The following PIK3CB variants were observed in gnomAD, a reference collection of about 807,000 sequenced individuals.
The protein encoded by PIK3CB is phosphatidylinositol 4,5-bisphosphate 3-kinase catalytic subunit beta isoform.
A neutral mutation model predicts 136.8 loss-of-function variants in PIK3CB; 39 were observed. The ratio of observed to expected loss-of-function variants is 0.29; its 90% CI spans 0.22 to 0.37. The LOEUF (loss-of-function observed/expected upper bound fraction) is 0.37, where lower values mean the gene tolerates loss of function less well. Ranked by LOEUF, PIK3CB falls within the 10% of genes least tolerant of loss-of-function variation. PIK3CB has a pLI of 1.00. For missense variants in PIK3CB, 868 were observed against 1,275.4 expected (o/e 0.68, Z 4.87); for synonymous variants, 428 against 436.6 (o/e 0.98, Z 0.25).
At chr3:138,816,021 G>C (rs1272555611) in intron 1 of PIK3CB, among the ~76,000 whole-genome samples, 1 of 152,198 alleles carries the variant, frequency 6.6e-6, no homozygotes, top group Non-Finnish European at 1.5e-5. Context: ...CACAAGGTGG[G>C]TTGGGTGCAA....
chr3:138,780,015 T>C (rs1388601710), intron 2 of PIK3CB, among the ~76,000 whole-genome samples: 1 of 152,090 alleles, frequency 6.6e-6, no homozygotes, highest in Non-Finnish European at 1.5e-5. Flanking sequence ...TGGAGTGCAG[T>C]GGCGAGACCT....
chr3:138,820,586 G>C (rs182154666), intron 1 of PIK3CB, among the ~76,000 whole-genome samples: 3 of 152,156 alleles, frequency 2.0e-5, no homozygotes, highest in Admixed American at 2.0e-4. Context: ...CACTGCCTCC[G>C]GGGCTTAAGC....
chr3:138,803,580 G>A (rs2046200015), intron 1 of PIK3CB, among the ~76,000 whole-genome samples: 1 of 152,098 alleles, frequency 6.6e-6, no homozygotes, highest in South Asian at 2.1e-4. Context: ...AGCAGCACGT[G>A]GGCCAAGGGA....
intron 2 of PIK3CB, among the ~76,000 whole-genome samples, chr3:138,771,811 G>C (rs112207202): frequency 0.032 from 4,830 of 151,702 alleles, 266 homozygotes; most frequent in African/African-American, 0.11. Context: ...AGCTACTCGA[G>C]AGGCTGAGGG....
intron 2 of PIK3CB, chr3:138,778,212 G>A (rs1335093839): frequency 8.7e-6 from 4 of 458,082 alleles, no homozygotes; most frequent in South Asian, 3.1e-5. Context: ...ATGCCCCCAT[G>A]TTTGTAATGG....
intron 8 of PIK3CB, among the ~76,000 whole-genome samples, chr3:138,728,865 G>T (rs1668512961): frequency 6.6e-6 from 1 of 151,932 alleles, no homozygotes; most frequent in Admixed American, 6.6e-5. Flanking sequence ...TTTCTTAAAG[G>T]ATAAAAATTT....
At chr3:138,810,482 C>A (rs1047082112) in intron 1 of PIK3CB, among the ~76,000 whole-genome samples, 1 of 151,892 alleles carries the variant, frequency 6.6e-6, no homozygotes. Flanking sequence ...AGAAAAATGG[C>A]ACTTTACTTC....
At chr3:138,669,220 T>A (rs2043477710) in intron 19 of PIK3CB, among the ~76,000 whole-genome samples, 1 of 150,656 alleles carries the variant, frequency 6.6e-6, no homozygotes, top group South Asian at 2.1e-4. Context: ...AAGACCAGCC[T>A]GGGCAACATG....
At chr3:138,739,147 A>C (rs189726933) in intron 5 of PIK3CB, among the ~76,000 whole-genome samples, 213 of 152,244 alleles carry the variant, frequency 1.4e-3, no homozygotes, top group Non-Finnish European at 1.7e-3. Flanking sequence ...TAGTGTCCTT[A>C]TAAAAGAGAC....
chr3:138,688,762 T>C (rs2043947953), intron 16 of PIK3CB, 113 bp downstream of exon 16: 1 of 640,882 alleles, frequency 1.6e-6, no homozygotes, highest in African/African-American at 1.8e-5. Flanking sequence ...TTGATAAAAC[T>C]GATCAAACAC....
In PIK3CB at chr3:138,758,774, T is replaced by C. The variant is rs1231631927; in HGVS notation, c.171+399A>G. On this transcript the variant is annotated intron_variant, in intron 3 of 23. Coordinates refer to ENST00000674063, the MANE Select transcript of PIK3CB (RefSeq NM_006219.3). ...TTTACAAATCAACGGTGCTCATCAA[T>C]TTACTTTAAAAACTAATGCAACAGA... 2.6e-5 allele frequency among the ~76,000 whole-genome samples: 4 copies of C among 152,256 alleles called. No homozygotes were observed. In the East Asian group the frequency reaches 5.8e-4, roughly 22 times the overall value.
Position 138,657,835 on chromosome 3 carries a change from G to A in PIK3CB, c.2797C>T (p.Leu933Phe). ...DNIMVKKTGQ[L>F]FHIDFGHILG... ...ATATGTCCAAAGTCAATGTGGAAGA[G>A]CTGGAAAACAAATGGGATTTAATTT... The change falls in exon 22 of 24, where the codon CTC becomes TTC. Residue 933 changes from leucine (L) to phenylalanine (F), a missense_variant and splice_region_variant. By Grantham distance (22) the Leu-to-Phe change is conservative. Around this residue, in one of 4 missense-constraint regions of PIK3CB, gnomAD observed 3 missense variants for 31.1 expected, o/e 0.10. Coordinates refer to ENST00000674063, the MANE Select transcript of PIK3CB (RefSeq NM_006219.3). The A allele has an allele frequency of 6.2e-7, 1 of 1,602,318 alleles. No individual in the cohort carries two copies. Among genetic ancestry groups the A allele is most frequent in the Non-Finnish European group, 8.5e-7 (1 of 1,176,224 alleles).
Position 138,705,198 on chromosome 3 carries a change from AAAAC to A in PIK3CB, c.1531-709_1531-706del, listed in dbSNP as rs1223638185. 3.5e-4 allele frequency among the ~76,000 whole-genome samples: 51 copies of A among 144,150 alleles called. 1 individual carries two copies. Among genetic ancestry groups the A allele is most frequent in the South Asian group, 4.5e-4 (2 of 4,458 alleles). 94.6% of individuals were successfully genotyped at this position (144,150 alleles called of 152,430 possible). Reference sequence around the variant, plus strand: ...ACAAAAAACAAAACAAACAAAAAAAAAAACTTATATTTGCAAATATAGGAGGCTA... The same window carrying A: ...ACAAAAAACAAAACAAACAAAAAAAATTATATTTGCAAATATAGGAGGCTA... On this transcript the variant is annotated intron_variant, in intron 11 of 23. Transcript: ENST00000674063.
At chr3:138,698,825 A>G in intron 13 of PIK3CB, 82 bp downstream of exon 13, 1 of 765,422 alleles carries the variant, frequency 1.3e-6, no homozygotes, top group South Asian at 3.0e-5. Context: ...ATGAAAATAT[A>G]CCTATGAGAA....
chr3:138,769,099 C>T (rs2045769330), intron 2 of PIK3CB, among the ~76,000 whole-genome samples: 1 of 152,184 alleles, frequency 6.6e-6, no homozygotes, highest in Non-Finnish European at 1.5e-5. Flanking sequence ...CACCCACTAA[C>T]TTGGAAGGGA....
Position 138,797,057 on chromosome 3 carries a change from A to G in PIK3CB, c.-121-490T>C, listed in dbSNP as rs114070583. On this transcript the variant is annotated intron_variant, in intron 1 of 23. Transcript: ENST00000674063. The stretch of plus-strand genomic sequence containing the variant: ...GACCAATGAGAAGACGGAAGACCAC[A>G]CCACACTTGCATTAGTTGTGTATGT... 8.6e-3 allele frequency: 1,318 copies of G among 153,718 alleles called. 26 individuals are homozygous for G. The highest frequency in any genetic ancestry group is 0.029 in the African/African-American group (1,195 of 41,602). 9.5% of individuals were successfully genotyped at this position (153,718 alleles called of 1,614,324 possible).
At chr3:138,806,284 G>A (rs553299281) in intron 1 of PIK3CB, among the ~76,000 whole-genome samples, 3 of 152,198 alleles carry the variant, frequency 2.0e-5, no homozygotes, top group East Asian at 1.9e-4. Flanking sequence ...TCAAAAGTTC[G>A]AGACCAGCCT....
At chr3:138,662,124 T>A (rs537462489) in intron 21 of PIK3CB, among the ~76,000 whole-genome samples, 57 of 151,882 alleles carry the variant, frequency 3.8e-4, no homozygotes, top group East Asian at 3.7e-3. Flanking sequence ...TTTTTTTTTT[T>A]TTTTATTTTA....
chr3:138,733,183 A>G (rs1374094867), intron 8 of PIK3CB, among the ~76,000 whole-genome samples, 178 bp downstream of exon 8: 4 of 151,932 alleles, frequency 2.6e-5, no homozygotes, highest in Non-Finnish European at 5.9e-5. Context: ...TTTAAAACAA[A>G]ATTTTAAAAT....
Sources: allele counts gnomAD v4.1 joint callset (sites outside exome capture counted in the v4.1 genomes callset), GRCh38; gene constraint gnomAD v4.1.1; regional missense constraint gnomAD v4.1.1; transcripts MANE v1.5; gene names NCBI Gene and HGNC (gene_info 2026-07-23, HGNC 2026-07-21).